NIBAN1: variants seen among roughly 807,000 people sequenced by gnomAD.
The protein encoded by NIBAN1 is protein Niban 1.
A neutral mutation model predicts 75.1 loss-of-function variants in NIBAN1; 81 were observed. The ratio of observed to expected loss-of-function variants is 1.08; its 90% CI spans 0.90 to 1.30. The LOEUF is 1.30. Ranked by LOEUF, NIBAN1 falls within the 50% of genes most tolerant of loss-of-function variation. The pLI, the probability that NIBAN1 is intolerant of heterozygous loss-of-function variation, is 0.00. For synonymous variants in NIBAN1, 436 were observed against 424.8 expected, an observed-to-expected ratio of 1.03 and a Z score of -0.32; for missense variants, 1,133 against 1,128.1, an observed-to-expected ratio of 1.00 and a Z score of -0.06.
At chr1:184,959,680 G>A (rs1052450898) in intron 1 of NIBAN1, among the ~76,000 whole-genome samples, 2 of 152,182 alleles carry the variant, frequency 1.3e-5, no homozygotes, top group Non-Finnish European at 2.9e-5. Flanking sequence ...CTTGGGATCA[G>A]TTTGATCTGT....
At chr1:184,945,023 T>C (rs1658186766) in intron 1 of NIBAN1, among the ~76,000 whole-genome samples, 1 of 152,200 alleles carries the variant, frequency 6.6e-6, no homozygotes, top group Non-Finnish European at 1.5e-5. Context: ...ATGAAATAGA[T>C]ATTAACAAAC....
intron 1 of NIBAN1, among the ~76,000 whole-genome samples, chr1:184,948,771 T>C (rs1221999490): frequency 6.6e-6 from 1 of 152,174 alleles, no homozygotes; most frequent in Non-Finnish European, 1.5e-5. Flanking sequence ...TACCGATTTG[T>C]ACAAAATATG....
chr1:184,900,818 C>T (rs1182322317), intron 1 of NIBAN1, among the ~76,000 whole-genome samples: 3 of 152,122 alleles, frequency 2.0e-5, no homozygotes, highest in Non-Finnish European at 4.4e-5. Flanking sequence ...GATGAGTCCG[C>T]AGAACAGGGT....
chr1:184,911,098 T>C (rs1189080591), intron 1 of NIBAN1, among the ~76,000 whole-genome samples: 1 of 151,938 alleles, frequency 6.6e-6, no homozygotes, highest in Non-Finnish European at 1.5e-5. Flanking sequence ...CACATATATA[T>C]ATATCCCATT....
At position 184,798,082 on chromosome 1, in the gene NIBAN1, T is replaced by G; in HGVS notation, c.1663A>C (p.Lys555Gln). The change falls in exon 13 of 14, where the codon AAA becomes CAA. Residue 555 changes from lysine (K) to glutamine (Q), a missense_variant. Physicochemically the swap from Lys to Gln is moderately conservative, Grantham distance 53. Coordinates refer to ENST00000367511, the MANE Select transcript of NIBAN1 (RefSeq NM_052966.4). The part of the protein sequence containing the change: ...LHQILLDETL[K>Q]VIKEAAILKK... ...AGCACCAGGTAACCTTTCTTACCTT[T>G]CAGAGTTTCATCAAGCAGGATCTGA... The G allele has an allele frequency of 6.2e-7, 1 of 1,606,876 alleles. No individual in the cohort carries two copies. The highest frequency in any genetic ancestry group is 1.3e-5 in the African/African-American group (1 of 74,936).
At chr1:184,917,476 T>G (rs1191240423) in intron 1 of NIBAN1, among the ~76,000 whole-genome samples, 1 of 151,038 alleles carries the variant, frequency 6.6e-6, no homozygotes, top group Non-Finnish European at 1.5e-5. Context: ...CCCAAAGTGC[T>G]GGGATTACAG....
intron 1 of NIBAN1, among the ~76,000 whole-genome samples, chr1:184,924,298 T>A (rs1657632042): frequency 1.3e-5 from 2 of 152,218 alleles, no homozygotes; most frequent in Admixed American, 1.3e-4. Context: ...TCAATTGAAA[T>A]GATCATATGG....
In NIBAN1 at chr1:184,874,616, A is replaced by G. The variant is rs146007259; in HGVS notation, c.601+10017T>C. Among the ~76,000 whole-genome samples the G allele has an allele frequency of 9.2e-5, 14 of 152,248 alleles. No homozygotes were observed. The East Asian group carries it at 2.5e-3, about 27-fold the overall frequency. On this transcript the variant is annotated intron_variant, in intron 5 of 13. Coordinates refer to ENST00000367511, the MANE Select transcript of NIBAN1 (RefSeq NM_052966.4). ...TGTGTGCTTATATATACACACATATACATGTGTAGATGTGTATATATACAT... is the reference window on the plus strand; with the variant it reads ...TGTGTGCTTATATATACACACATATGCATGTGTAGATGTGTATATATACAT...
chr1:184,892,981 A>T (rs1368879435), intron 3 of NIBAN1, among the ~76,000 whole-genome samples: 4 of 152,152 alleles, frequency 2.6e-5, no homozygotes, highest in Non-Finnish European at 5.9e-5. Flanking sequence ...CATGTTGGCC[A>T]TGCTGGTCTC....
intron 1 of NIBAN1, among the ~76,000 whole-genome samples, chr1:184,925,929 T>G (rs1165272987): frequency 2.0e-5 from 3 of 152,144 alleles, no homozygotes; most frequent in Non-Finnish European, 1.5e-5. Flanking sequence ...AACTAGTGAG[T>G]TTTGAACCTC....
intron 5 of NIBAN1, among the ~76,000 whole-genome samples, chr1:184,855,199 T>C (rs1323893167): frequency 6.6e-6 from 1 of 152,226 alleles, no homozygotes; most frequent in Non-Finnish European, 1.5e-5. Flanking sequence ...TATTAAATAG[T>C]TGTAACAGCA....
At position 184,795,893 on chromosome 1, in the gene NIBAN1, TC is replaced by T; in HGVS notation, c.1870del (p.Glu624LysfsTer32). On this transcript the variant is annotated frameshift_variant, in exon 14 of 14. Coordinates refer to ENST00000367511, the MANE Select transcript of NIBAN1 (RefSeq NM_052966.4). LOFTEE classifies it low-confidence loss of function (END_TRUNC). Reference sequence around the variant, plus strand: ...GCTAGGGACCTCAGGCTGCTTCTCTTCCTCTGACTCCTGGAATACTTCGTTA... The same window carrying T: ...GCTAGGGACCTCAGGCTGCTTCTCTTCTCTGACTCCTGGAATACTTCGTTA... The part of the protein sequence containing the change: ...LSNEVFQESE[E>X]EKQPEVPSSL... The T allele has an allele frequency of 6.2e-7, 1 of 1,613,756 alleles. No individual in the cohort carries two copies.
Position 184,884,774 on chromosome 1 carries a change from G to T in NIBAN1, c.460C>A (p.Pro154Thr), listed in dbSNP as rs770034532. ...AATTCCTTGGGCAGGACCACAAAGG[G>T]CTGAGTGTTCTCCTTCTCACTGGAG... ...LASSEKENTQ[P>T]FVVLPKEFPV... Residue 154 changes from proline (P) to threonine (T), a missense_variant, in exon 5 of 14, where the codon CCC becomes ACC. Transcript: ENST00000367511. 6.2e-7 allele frequency: 1 copy of T among 1,614,170 alleles called. No individual in the cohort carries two copies. The highest frequency in any genetic ancestry group is 8.5e-7 in the Non-Finnish European group (1 of 1,179,984).
chr1:184,836,218 G>C (rs1470461196), intron 5 of NIBAN1, among the ~76,000 whole-genome samples: 1 of 152,154 alleles, frequency 6.6e-6, no homozygotes, highest in East Asian at 1.9e-4. Context: ...AACTGAGATG[G>C]AAACTGTAAT....
At chr1:184,933,612 C>T (rs192734132) in intron 1 of NIBAN1, among the ~76,000 whole-genome samples, 2 of 152,354 alleles carry the variant, frequency 1.3e-5, no homozygotes, top group East Asian at 3.9e-4. Flanking sequence ...CATAAGTTCA[C>T]ATCCATGGCA....
At chr1:184,811,751 C>T (rs1035220803) in intron 9 of NIBAN1, among the ~76,000 whole-genome samples, 1 of 152,144 alleles carries the variant, frequency 6.6e-6, no homozygotes, top group Non-Finnish European at 1.5e-5. Context: ...CTCGGCCTCC[C>T]AAAGTGCCAG....
intron 9 of NIBAN1, among the ~76,000 whole-genome samples, chr1:184,815,072 A>G (rs1480972366): frequency 6.6e-6 from 1 of 152,214 alleles, no homozygotes; most frequent in Non-Finnish European, 1.5e-5. Flanking sequence ...CTGGGGAAAA[A>G]ATTAAAGCGT....
In NIBAN1 at chr1:184,795,619, C is replaced by T. The variant is rs1653833612; in HGVS notation, c.2145G>A (p.Leu715=). Reference sequence around the variant, plus strand: ...CTGGTACTTCCACGGACGCTGTCAGCAACTTTCTGAGCGCCTTCAAAGAAC... The same window carrying T: ...CTGGTACTTCCACGGACGCTGTCAGTAACTTTCTGAGCGCCTTCAAAGAAC... ...ASGSLKALRK[L]LTASVEVPVD... is the part of the protein sequence containing the mutation. Residue 715 remains leucine (L), a synonymous_variant, in exon 14 of 14, where the codon TTG becomes TTA. Coordinates refer to ENST00000367511, the MANE Select transcript of NIBAN1 (RefSeq NM_052966.4). 1 of 1,614,096 alleles carries T rather than the reference C, an allele frequency of 6.2e-7. No homozygotes were observed. Among genetic ancestry groups the T allele is most frequent in the South Asian group, 1.1e-5 (1 of 91,088 alleles).
chr1:184,851,482 G>A (rs185862811), intron 5 of NIBAN1, among the ~76,000 whole-genome samples: 1,482 of 45,182 alleles, frequency 0.033, 438 homozygotes, highest in African/African-American at 0.17. Context: ...ACTGTGGTGG[G>A]GTCGGGGGAG....
Sources: gnomAD v4.1 joint callset for allele counts (sites outside exome capture counted in the v4.1 genomes callset) on GRCh38, gnomAD v4.1.1 for gene constraint, MANE v1.5 for transcripts, NCBI Gene and HGNC (gene_info 2026-07-23, HGNC 2026-07-21) for gene names.